CPNE2: variants seen among roughly 807,000 people sequenced by gnomAD.
CPNE2 encodes copine 2.
A neutral mutation model predicts 69.7 loss-of-function variants in CPNE2; 42 were observed. That is an observed-to-expected ratio of 0.60 (90% confidence interval 0.47 to 0.78). The LOEUF is 0.78. Among genes scored for constraint, CPNE2 ranks in the 30% least tolerant of loss-of-function variants. The pLI, the probability that CPNE2 is intolerant of heterozygous loss-of-function variation, is 0.00. For missense variants in CPNE2, 587 were observed against 732.0 expected (o/e 0.80, Z 2.29); for synonymous variants, 294 against 289.8 (o/e 1.01, Z -0.15).
At chr16:57,094,392 T>C (rs549662016) in intron 1 of CPNE2, among the ~76,000 whole-genome samples, 23 of 152,168 alleles carry the variant, frequency 1.5e-4, no homozygotes, top group Admixed American at 6.5e-4. Flanking sequence ...TCTCTGGTGG[T>C]GTTCCAACGG....
chr16:57,099,763 G>A (rs890844350), intron 1 of CPNE2, among the ~76,000 whole-genome samples: 3 of 150,556 alleles, frequency 2.0e-5, no homozygotes, highest in East Asian at 3.9e-4. Context: ...CACCATGTCC[G>A]GCTAATTTTT....
chr16:57,121,885 C>A, intron 9 of CPNE2, 125 bp downstream of exon 9: 1 of 823,324 alleles, frequency 1.2e-6, no homozygotes, highest in Non-Finnish European at 2.0e-6. Flanking sequence ...CACATCCTGG[C>A]CCTATGGCCT....
intron 5 of CPNE2, among the ~76,000 whole-genome samples, chr16:57,117,884 C>T (rs8058512): frequency 0.64 from 97,802 of 151,920 alleles, 32,724 homozygotes; most frequent in Admixed American, 0.78. Context: ...CCCGACTCTC[C>T]GACCTCACCC....
chr16:57,115,435 C>T (rs1277993630), intron 3 of CPNE2, 41 bp from the exon 4 acceptor site: 1 of 1,517,722 alleles, frequency 6.6e-7, no homozygotes. Context: ...CCGGGCTTCC[C>T]CCGCTTCCTC....
chr16:57,147,727 C>A lies in CPNE2; in HGVS notation c.*69C>A. On this transcript the variant is annotated 3_prime_UTR_variant, in exon 16 of 16. Coordinates refer to ENST00000290776, the MANE Select transcript of CPNE2 (RefSeq NM_152727.6). ...TCCCCCAGGAACATGCACGCTCACT[C>A]TGCTTCCTTGTGGGTGGCCTTTTTT... is the stretch of plus-strand genomic sequence containing the variant. The A allele has an allele frequency of 9.5e-7, 1 of 1,050,972 alleles. No homozygotes were observed. Among genetic ancestry groups the A allele is most frequent in the Non-Finnish European group, 1.3e-6 (1 of 753,900 alleles). 65.1% of individuals were successfully genotyped at this position (1,050,972 alleles called of 1,614,324 possible).
At chr16:57,136,702 T>C (rs1264434088) in intron 13 of CPNE2, among the ~76,000 whole-genome samples, 9 of 152,042 alleles carry the variant, frequency 5.9e-5, no homozygotes, top group Non-Finnish European at 1.0e-4. Flanking sequence ...TAACCTGAGG[T>C]CAGGAGTTTG....
At chr16:57,103,121 T>C (rs1222268652) in intron 1 of CPNE2, among the ~76,000 whole-genome samples, 1 of 152,070 alleles carries the variant, frequency 6.6e-6, no homozygotes, top group Non-Finnish European at 1.5e-5. Context: ...TCTATTTTTT[T>C]CTTTCTTTTT....
intron 4 of CPNE2, among the ~76,000 whole-genome samples, chr16:57,116,194 G>A (rs1242424510): frequency 6.6e-6 from 1 of 152,148 alleles, no homozygotes; most frequent in East Asian, 1.9e-4. Context: ...TCAAGGCTGT[G>A]AAGGACCCCT....
rs548159569 is a variant in CPNE2, at chr16:57,121,177, C to T, written c.766C>T (p.Arg256Ter). Reference sequence around the variant, plus strand: ...CTCAGTGTCACAGATGTGTGAGGCTCGAGACAGCGTCCCGGTGAGATGGGC... The same window carrying T: ...CTCAGTGTCACAGATGTGTGAGGCTTGAGACAGCGTCCCGGTGAGATGGGC... ...QTSVSQMCEA[R>*]DSVPLEFECI... Residue 256 changes from arginine to a stop codon, truncating the protein, a stop_gained, in exon 8 of 16, where the codon CGA becomes TGA. Coordinates refer to ENST00000290776, the MANE Select transcript of CPNE2 (RefSeq NM_152727.6). LOFTEE classifies it high-confidence loss of function. 1.9e-6 allele frequency: 3 copies of T among 1,613,714 alleles called. No homozygotes were observed. The highest frequency in any genetic ancestry group is 2.5e-6 in the Non-Finnish European group (3 of 1,179,868).
intron 10 of CPNE2, 41 bp from the exon 11 acceptor site, chr16:57,125,819 G>A: frequency 1.2e-6 from 2 of 1,612,570 alleles, no homozygotes; most frequent in Non-Finnish European, 1.7e-6. Context: ...GGGTGCTGGG[G>A]TCTCTGGCCC....
In CPNE2 at chr16:57,126,597, G is replaced by A. The variant is rs192431878; in HGVS notation, c.1061+604G>A. ...ATATGACATCACTGTCACAGATGGT[G>A]CTGATTGGGAGCTCCAGGTCAGAGG... is the stretch of plus-strand genomic sequence containing the variant. On this transcript the variant is annotated intron_variant, in intron 11 of 15. Transcript: ENST00000290776. Among the ~76,000 whole-genome samples, 17 of 152,322 alleles carry A rather than the reference G, an allele frequency of 1.1e-4. 1 individual carries two copies. The highest frequency in any genetic ancestry group is 9.1e-4 in the Admixed American group (14 of 15,306).
At chr16:57,115,100 T>C (rs970909762) in intron 3 of CPNE2, among the ~76,000 whole-genome samples, 1 of 152,094 alleles carries the variant, frequency 6.6e-6, no homozygotes, top group African/African-American at 2.4e-5. Flanking sequence ...GAATCTGAGC[T>C]TGACTCTGTC....
At chr16:57,123,389 C>T (rs1043298602) in intron 9 of CPNE2, 25 bp from the exon 10 acceptor site, 3 of 1,611,542 alleles carry the variant, frequency 1.9e-6, no homozygotes. Flanking sequence ...CAAGGGGACC[C>T]ACTGACTCAT....
At chr16:57,137,727 C>T (rs1316027756) in intron 14 of CPNE2, among the ~76,000 whole-genome samples, 4 of 152,318 alleles carry the variant, frequency 2.6e-5, no homozygotes, top group Admixed American at 6.5e-5. Context: ...CTCACTGGCC[C>T]GGCTGAGGCT....
chr16:57,111,030 T>G, intron 2 of CPNE2, 108 bp downstream of exon 2: 1 of 892,606 alleles, frequency 1.1e-6, no homozygotes, highest in Non-Finnish European at 1.6e-6. Context: ...GTAGTTGGAG[T>G]GTGGGCTGGT....
At chr16:57,119,480 C>T in intron 6 of CPNE2, 81 bp from the exon 7 acceptor site, 1 of 1,274,728 alleles carries the variant, frequency 7.8e-7, no homozygotes, top group Non-Finnish European at 1.1e-6. Context: ...CATTTTGTCA[C>T]CCTGTCCCCA....
chr16:57,115,628 G>A, intron 4 of CPNE2, 78 bp downstream of exon 4: 1 of 1,005,436 alleles, frequency 9.9e-7, no homozygotes, highest in Middle Eastern at 2.4e-4. Flanking sequence ...CCGCTTCCCT[G>A]GCAGATAATC....
chr16:57,103,882 C>T (rs535606922), intron 1 of CPNE2, among the ~76,000 whole-genome samples: 58 of 152,308 alleles, frequency 3.8e-4, no homozygotes, highest in African/African-American at 1.4e-3. Context: ...ACTGAATCCT[C>T]ACAACACCTA....
rs771489237 is a variant in CPNE2, at chr16:57,110,809, G to A, written c.67G>A (p.Val23Met). 54 of 1,613,968 alleles carry A rather than the reference G, an allele frequency of 3.3e-5. No homozygotes were observed. The highest frequency in any genetic ancestry group is 5.5e-5 in the South Asian group (5 of 91,058). The change falls in exon 2 of 16, where the codon GTG becomes ATG. Residue 23 changes from valine (V) to methionine (M), a missense_variant. Physicochemically the swap from Val to Met is conservative, Grantham distance 21. This residue lies in a region of CPNE2 where 96 missense variants were observed against 94.9 expected (regional missense o/e 1.01). Coordinates refer to ENST00000290776, the MANE Select transcript of CPNE2 (RefSeq NM_152727.6). ...GAAPMGPQYC[V>M]CKVELSVSGQ... ...AGCCCCCATGGGCCCCCAGTATTGC[G>A]TGTGCAAGGTGGAGCTGTCAGTGAG...
Sources: gnomAD v4.1 joint callset for allele counts (sites outside exome capture counted in the v4.1 genomes callset) on GRCh38, gnomAD v4.1.1 for gene constraint, gnomAD v4.1.1 regional missense constraint, MANE v1.5 for transcripts, NCBI Gene and HGNC (gene_info 2026-07-23, HGNC 2026-07-21) for gene names.